INTU: variants seen among roughly 807,000 people sequenced by gnomAD.
The protein encoded by INTU is protein inturned.
INTU carries 68 observed loss-of-function variants against 100.5 expected under a neutral mutation model. The observed-to-expected ratio is 0.68, with a 90% CI of 0.56 to 0.83. The LOEUF (loss-of-function observed/expected upper bound fraction) is 0.83. Among genes scored for constraint, INTU ranks in the 40% least tolerant of loss-of-function variants. The pLI, the probability that INTU is intolerant of heterozygous loss-of-function variation, is 0.00. For synonymous variants in INTU, 357 were observed against 395.7 expected (o/e 0.90, Z 1.16); for missense variants, 1,071 against 1,114.7 (o/e 0.96, Z 0.56).
At chr4:127,665,118 T>C (rs983031851) in intron 4 of INTU, among the ~76,000 whole-genome samples, 1 of 151,490 alleles carries the variant, frequency 6.6e-6, no homozygotes, top group Admixed American at 6.6e-5. Context: ...CATGTGCTAT[T>C]GTCATCAATA....
chr4:127,646,403 G>A (rs1490533776), intron 2 of INTU, among the ~76,000 whole-genome samples: 2 of 152,034 alleles, frequency 1.3e-5, no homozygotes, highest in Non-Finnish European at 2.9e-5. Flanking sequence ...CCTGTGAGTT[G>A]GTAGTTAGAT....
At position 127,708,680 on chromosome 4, in the gene INTU, T is replaced by C; in HGVS notation, c.2369+12T>C. 7.3e-7 allele frequency: 1 copy of C among 1,376,636 alleles called. No individual in the cohort carries two copies. The highest frequency in any genetic ancestry group is 1.0e-6 in the Non-Finnish European group (1 of 984,312). 85.3% of individuals were successfully genotyped at this position (1,376,636 alleles called of 1,614,324 possible). On this transcript the variant is annotated intron_variant, in intron 13 of 15. Coordinates refer to ENST00000335251, the MANE Select transcript of INTU (RefSeq NM_015693.4). ...TATAACACAGTGAAGTAAGAAACTT[T>C]CTTATTCTTGTTCACTTAAACTCAG... is the stretch of plus-strand genomic sequence containing the variant.
rs767651752 is a variant in INTU at position 127,719,592 on chromosome 4, G to C, written c.*3156G>C. The C allele has an allele frequency of 5.9e-5, 9 of 152,168 alleles. No homozygotes were observed. Among genetic ancestry groups the C allele is most frequent in the Non-Finnish European group, 1.3e-4 (9 of 68,044 alleles). The allele number at this position is 152,168 out of a possible 1,614,324, so 9.4% of individuals were successfully genotyped here. A position where few individuals can be genotyped will look rare whatever the true frequency, so the allele number is the denominator to read the frequency against. ...CTTTTTGTATTTCTGGCAGAATTCAGCTGTAGATCCATCTGGTCCTGGGCT... is the reference window on the plus strand; with the variant it reads ...CTTTTTGTATTTCTGGCAGAATTCACCTGTAGATCCATCTGGTCCTGGGCT... On this transcript the variant is annotated 3_prime_UTR_variant, in exon 16 of 16. Coordinates refer to ENST00000335251, the MANE Select transcript of INTU (RefSeq NM_015693.4).
intron 8 of INTU, among the ~76,000 whole-genome samples, chr4:127,688,301 A>AT (rs1729927350): frequency 6.6e-6 from 1 of 152,200 alleles, no homozygotes; most frequent in African/African-American, 2.4e-5. Context: ...TTACATGAAC[A>AT]TATGTGATTA....
At chr4:127,710,856 A>T (rs977360993) in intron 13 of INTU, 57 bp from the exon 14 acceptor site, 2 of 1,096,946 alleles carry the variant, frequency 1.8e-6, no homozygotes, top group Non-Finnish European at 2.5e-6. Flanking sequence ...ATGAACCAAT[A>T]TTTTAAAATT....
In INTU at chr4:127,717,422, T is replaced by C. The variant is rs751859825; in HGVS notation, c.*986T>C. 2.6e-5 allele frequency: 4 copies of C among 152,246 alleles called. No individual in the cohort carries two copies. Among genetic ancestry groups the C allele is most frequent in the South Asian group, 4.1e-4 (2 of 4,830 alleles). 9.4% of individuals were successfully genotyped at this position (152,246 alleles called of 1,614,324 possible). A position where few individuals can be genotyped will look rare whatever the true frequency, so the allele number is the denominator to read the frequency against. ...ATTTGGGTTGATTCCATGTCTTTGC[T>C]ATTGTAAATAGTGCTTCAATGAACA... On this transcript the variant is annotated 3_prime_UTR_variant, in exon 16 of 16. Coordinates refer to ENST00000335251, the MANE Select transcript of INTU (RefSeq NM_015693.4).
chr4:127,688,095 C>T (rs1036226516), intron 8 of INTU, among the ~76,000 whole-genome samples: 1 of 151,848 alleles, frequency 6.6e-6, no homozygotes, highest in Non-Finnish European at 1.5e-5. Flanking sequence ...AAGCTTTATC[C>T]AAGCTAGGAC....
chr4:127,711,019 T>C lies in INTU; in HGVS notation c.2476T>C (p.Ser826Pro). The change falls in exon 14 of 16, where the codon TCT (serine) becomes CCT (proline). Residue 826 changes from serine to proline, a missense_variant. Transcript: ENST00000335251. ...TLEEVAQLSG[S>P]IHPQLIKNFH... ...TGAAGAGGTGGCACAGCTAAGTGGC[T>C]CTATCCACCCTCAGCTAATAAAGAA... 6.2e-7 allele frequency: 1 copy of C among 1,609,898 alleles called. No individual in the cohort carries two copies. The highest frequency in any genetic ancestry group is 8.5e-7 in the Non-Finnish European group (1 of 1,177,190).
intron 3 of INTU, 145 bp from the exon 4 acceptor site, chr4:127,663,236 C>T: frequency 1.7e-6 from 1 of 604,592 alleles, no homozygotes; most frequent in Non-Finnish European, 2.9e-6. Context: ...AATACGTAGT[C>T]CCAGCCATCA....
At chr4:127,686,798 T>A (rs989198114) in intron 7 of INTU, 5 of 152,220 alleles carry the variant, frequency 3.3e-5, no homozygotes, top group African/African-American at 1.2e-4. Flanking sequence ...TGTCTTGATA[T>A]TTTTACTGCC....
chr4:127,661,176 T>C (rs1728460057), intron 3 of INTU, among the ~76,000 whole-genome samples: 1 of 152,146 alleles, frequency 6.6e-6, no homozygotes, highest in Non-Finnish European at 1.5e-5. Context: ...TTTGTTGTGG[T>C]GAGACAAAAA....
At chr4:127,662,423 T>G (rs1236971971) in intron 3 of INTU, among the ~76,000 whole-genome samples, 1 of 152,214 alleles carries the variant, frequency 6.6e-6, no homozygotes, top group African/African-American at 2.4e-5. Context: ...AAGTCTTTAA[T>G]CCATCTTAAG....
At chr4:127,634,625 T>A (rs539870003) in intron 1 of INTU, among the ~76,000 whole-genome samples, 1 of 152,216 alleles carries the variant, frequency 6.6e-6, no homozygotes, top group South Asian at 2.1e-4. Context: ...TTTTAGCTTT[T>A]AAAAAATGAT....
At chr4:127,699,444 C>T (rs1246045469) in intron 8 of INTU, 1 of 152,052 alleles carries the variant, frequency 6.6e-6, no homozygotes, top group South Asian at 2.1e-4. Context: ...GGAACACTTG[C>T]CTTCGTGTTT....
chr4:127,709,050 T>A (rs1730995446), intron 13 of INTU, among the ~76,000 whole-genome samples: 1 of 152,212 alleles, frequency 6.6e-6, no homozygotes, highest in Non-Finnish European at 1.5e-5. Flanking sequence ...CACTTGAGAA[T>A]GGTGGCTGCT....
At chr4:127,663,677 A>C in intron 4 of INTU, 93 bp downstream of exon 4, 1 of 909,436 alleles carries the variant, frequency 1.1e-6, no homozygotes, top group East Asian at 2.5e-5. Context: ...GTGAATAGTG[A>C]GTATATTTGA....
chr4:127,680,827 T>C (rs1286042147), intron 6 of INTU, among the ~76,000 whole-genome samples: 7 of 151,838 alleles, frequency 4.6e-5, no homozygotes, highest in African/African-American at 1.2e-4. Context: ...TGTTTGCAGA[T>C]GACATAATTG....
At chr4:127,681,013 G>C (rs1339075620) in intron 6 of INTU, among the ~76,000 whole-genome samples, 1 of 151,712 alleles carries the variant, frequency 6.6e-6, no homozygotes, top group Non-Finnish European at 1.5e-5. Flanking sequence ...TTGCTTCAAA[G>C]AGAATAAAAT....
At chr4:127,651,125 G>A (rs1727849258) in intron 2 of INTU, among the ~76,000 whole-genome samples, 1 of 151,852 alleles carries the variant, frequency 6.6e-6, no homozygotes. Context: ...TTAGCCCTTT[G>A]TCAGATGAGT....
Sources: allele counts gnomAD v4.1 joint callset (sites outside exome capture counted in the v4.1 genomes callset), GRCh38; gene constraint gnomAD v4.1.1; transcripts MANE v1.5; gene names NCBI Gene and HGNC (gene_info 2026-07-23, HGNC 2026-07-21).